MCPH1: variants seen among roughly 807,000 people sequenced by gnomAD.
MCPH1 encodes microcephalin.
MCPH1 carries 104 observed loss-of-function variants against 84.5 expected under a neutral mutation model. That is an observed-to-expected ratio of 1.23 (90% CI 1.05 to 1.45). MCPH1 has a LOEUF of 1.45. Ranked by LOEUF, MCPH1 falls within the 40% of genes most tolerant of loss-of-function variation. The pLI is 0.00. For missense variants in MCPH1, 1,498 were observed against 1,005.7 expected, an observed-to-expected ratio of 1.49 and a Z score of -6.62; for synonymous variants, 514 against 366.8, an observed-to-expected ratio of 1.40 and a Z score of -4.58.
At chr8:6,534,655 A>G (rs1820176575) in intron 12 of MCPH1, among the ~76,000 whole-genome samples, 1 of 152,222 alleles carries the variant, frequency 6.6e-6, no homozygotes, top group South Asian at 2.1e-4. Context: ...AAAATTTAAA[A>G]AAATAAAAAA....
intron 12 of MCPH1, among the ~76,000 whole-genome samples, chr8:6,586,789 T>G (rs2129577375): frequency 6.6e-6 from 1 of 152,292 alleles, no homozygotes; most frequent in Non-Finnish European, 1.5e-5. Context: ...ATTAAGCTGG[T>G]AGTTCTGTTC....
chr8:6,435,670 G>A (rs1302438955), intron 4 of MCPH1, among the ~76,000 whole-genome samples: 1 of 152,024 alleles, frequency 6.6e-6, no homozygotes, highest in African/African-American at 2.4e-5. Context: ...GCAACTTCAG[G>A]GGCCGTGGCA....
In MCPH1 at chr8:6,637,982, A is replaced by G. The variant is rs148382816; in HGVS notation, c.2453-5012A>G. ...AGGTGGCACCTAGTCTTGTGTTCTGAGCTTCCAGAATGAGGCATCTAGAAG... is the reference window on the plus strand; with the variant it reads ...AGGTGGCACCTAGTCTTGTGTTCTGGGCTTCCAGAATGAGGCATCTAGAAG... On this transcript the variant is annotated intron_variant, in intron 13 of 13. Coordinates refer to ENST00000344683, the MANE Select transcript of MCPH1 (RefSeq NM_024596.5). Among the ~76,000 whole-genome samples, 266 of 152,292 alleles carry G rather than the reference A, an allele frequency of 1.7e-3. 2 individuals are homozygous for G. The highest frequency in any genetic ancestry group is 1.4e-3 in the Non-Finnish European group (95 of 68,024).
At chr8:6,476,028 C>G (rs1332563902) in intron 9 of MCPH1, among the ~76,000 whole-genome samples, 1 of 152,114 alleles carries the variant, frequency 6.6e-6, no homozygotes, top group Admixed American at 6.5e-5. Context: ...AACTTATCAT[C>G]AAAATAGATG....
At chr8:6,608,869 C>T (rs1586783801) in intron 12 of MCPH1, among the ~76,000 whole-genome samples, 1 of 152,174 alleles carries the variant, frequency 6.6e-6, no homozygotes, top group Non-Finnish European at 1.5e-5. Flanking sequence ...GGCCTCACCA[C>T]CCTCCATCCC....
intron 13 of MCPH1, chr8:6,626,474 G>GTTTTTTTTTTTTTT (rs71213328): frequency 1.4e-4 from 134 of 924,596 alleles, no homozygotes; most frequent in East Asian, 9.4e-4. Context: ...TTTTTGTTTT[G>GTTTTTTTTTTTTTT]TTTTTTTTTT....
chr8:6,414,400 A>G (rs532756533), intron 2 of MCPH1, among the ~76,000 whole-genome samples: 6 of 152,248 alleles, frequency 3.9e-5, no homozygotes, highest in South Asian at 4.1e-4. Context: ...ATTTGGTTTT[A>G]TTTTTTTGAT....
chr8:6,528,712 C>G (rs1418953869), intron 12 of MCPH1, among the ~76,000 whole-genome samples: 1 of 152,228 alleles, frequency 6.6e-6, no homozygotes, highest in Non-Finnish European at 1.5e-5. Context: ...CATGCTTATT[C>G]AGGATGTGAT....
chr8:6,446,757 A>T, intron 8 of MCPH1: 1 of 985,370 alleles, frequency 1.0e-6, no homozygotes, highest in African/African-American at 1.7e-5. Flanking sequence ...TAATAATGAC[A>T]TGGAAATGTA....
In MCPH1 at chr8:6,445,193, G is replaced by A; in HGVS notation, c.1471G>A (p.Glu491Lys). Residue 491 changes from glutamate (E) to lysine (K), a missense_variant, in exon 8 of 14, where the codon GAA becomes AAA. Physicochemically the swap from Glu to Lys is moderately conservative, Grantham distance 56. Transcript: ENST00000344683. ...ISSPRKTGNG[E>K]GRATSSCVTS... is the part of the protein sequence containing the mutation. ...CAGTCCTCGGAAAACTGGAAATGGT[G>A]AAGGCCGTGCAACTTCGAGTTGCGT... 6.2e-7 allele frequency: 1 copy of A among 1,614,272 alleles called. No individual in the cohort carries two copies. The highest frequency in any genetic ancestry group is 1.1e-5 in the South Asian group (1 of 91,088).
At chr8:6,481,583 G>A (rs1017898834) in intron 11 of MCPH1, among the ~76,000 whole-genome samples, 3 of 152,080 alleles carry the variant, frequency 2.0e-5, no homozygotes, top group Non-Finnish European at 2.9e-5. Context: ...TCCCAAGAAT[G>A]TATTCTATTC....
chr8:6,533,821 A>G (rs1819995836), intron 12 of MCPH1, among the ~76,000 whole-genome samples: 2 of 152,184 alleles, frequency 1.3e-5, no homozygotes, highest in Non-Finnish European at 2.9e-5. Context: ...GATTTCCCCC[A>G]AAATGTTAAC....
intron 13 of MCPH1, among the ~76,000 whole-genome samples, chr8:6,638,595 A>AT (rs1453606979): frequency 6.1e-4 from 72 of 117,372 alleles, no homozygotes; most frequent in African/African-American, 1.2e-3. Context: ...AAAAAAAAAA[A>AT]TTTTTTTTTT....
intron 9 of MCPH1, among the ~76,000 whole-genome samples, chr8:6,474,546 T>A (rs1003874667): frequency 3.3e-5 from 5 of 152,176 alleles, no homozygotes; most frequent in Admixed American, 2.6e-4. Flanking sequence ...ATAAATAATT[T>A]AAAAAATTAT....
At chr8:6,597,243 G>A (rs988775372) in intron 12 of MCPH1, among the ~76,000 whole-genome samples, 8 of 152,202 alleles carry the variant, frequency 5.3e-5, no homozygotes, top group Non-Finnish European at 1.2e-4. Context: ...AAGGCACCAT[G>A]GACGCCGTCT....
At chr8:6,507,433 T>G (rs1813967450) in intron 12 of MCPH1, 1 of 152,214 alleles carries the variant, frequency 6.6e-6, no homozygotes, top group African/African-American at 2.4e-5. Flanking sequence ...TGTTGCTACT[T>G]TAAATCTTTC....
rs770749873 is a variant in MCPH1, at chr8:6,621,392, G to A, written c.2215-62G>A. 7.7e-5 allele frequency: 122 copies of A among 1,594,708 alleles called. 1 individual carries two copies. Among genetic ancestry groups the A allele is most frequent in the East Asian group, 1.3e-4 (6 of 44,794 alleles). ...AAAAGGAAGTAAACTGCAACAGTTCGCCTACGCTATGGAGACTGGAGTGGT... is the reference window on the plus strand; with the variant it reads ...AAAAGGAAGTAAACTGCAACAGTTCACCTACGCTATGGAGACTGGAGTGGT... On this transcript the variant is annotated intron_variant, in intron 12 of 13. Coordinates refer to ENST00000344683, the MANE Select transcript of MCPH1 (RefSeq NM_024596.5).
rs74300098 is a variant in MCPH1 at position 6,636,475 on chromosome 8, C to A, written c.2453-6519C>A. On this transcript the variant is annotated intron_variant, in intron 13 of 13. Transcript: ENST00000344683. ...ATGTACACAGACTTTGTTTCATGCA[C>A]AAAATTTGTTTGTTTATTTTTTGAA... Among the ~76,000 whole-genome samples the A allele has an allele frequency of 7.0e-4, 106 of 152,122 alleles. 1 individual carries two copies. Among genetic ancestry groups the A allele is most frequent in the East Asian group, 7.7e-4 (4 of 5,174 alleles).
intron 12 of MCPH1, among the ~76,000 whole-genome samples, chr8:6,541,485 G>C (rs1487444673): frequency 1.3e-5 from 2 of 152,158 alleles, no homozygotes; most frequent in Non-Finnish European, 2.9e-5. Flanking sequence ...CTGGAGACAG[G>C]AAACCAAAGC....
Sources: allele counts gnomAD v4.1 joint callset (sites outside exome capture counted in the v4.1 genomes callset), GRCh38; gene constraint gnomAD v4.1.1; transcripts MANE v1.5; gene names NCBI Gene and HGNC (gene_info 2026-07-23, HGNC 2026-07-21).